STAG1: variants seen among roughly 807,000 people sequenced by gnomAD.
The protein encoded by STAG1 is STAG1 cohesin complex component.
STAG1 carries 26 observed loss-of-function variants against 170.9 expected under a neutral mutation model. That is an observed-to-expected ratio of 0.15 (90% CI 0.11 to 0.21). The LOEUF (loss-of-function observed/expected upper bound fraction) is 0.21, where lower values mean the gene tolerates loss of function less well. Among genes scored for constraint, STAG1 ranks in the 10% least tolerant of loss-of-function variants. STAG1 has a pLI of 1.00. For synonymous variants in STAG1, 514 were observed against 497.7 expected, an observed-to-expected ratio of 1.03 and a Z score of -0.44; for missense variants, 964 against 1,509.5, an observed-to-expected ratio of 0.64 and a Z score of 5.99.
intron 23 of STAG1, among the ~76,000 whole-genome samples, chr3:136,372,030 A>C (rs1187897840): frequency 3.3e-5 from 5 of 152,114 alleles, no homozygotes; most frequent in South Asian, 4.2e-4. Context: ...CTTTTATTTC[A>C]TTGAGCAGTG....
At chr3:136,383,518 T>C (rs1296375836) in intron 22 of STAG1, among the ~76,000 whole-genome samples, 1 of 152,202 alleles carries the variant, frequency 6.6e-6, no homozygotes, top group Non-Finnish European at 1.5e-5. Flanking sequence ...TCATTTTATC[T>C]GGGCCAGAAT....
At chr3:136,484,994 T>C (rs2089977586) in intron 9 of STAG1, among the ~76,000 whole-genome samples, 1 of 152,190 alleles carries the variant, frequency 6.6e-6, no homozygotes, top group African/African-American at 2.4e-5. Flanking sequence ...CCTAGTGAGA[T>C]GAACCCGGTA....
intron 1 of STAG1, among the ~76,000 whole-genome samples, chr3:136,678,485 T>C (rs972938510): frequency 1.5e-4 from 22 of 149,822 alleles, no homozygotes; most frequent in African/African-American, 4.9e-4. Context: ...GATTCCCTTA[T>C]GTTATCCAAC....
At chr3:136,560,698 A>T (rs558217105) in intron 5 of STAG1, among the ~76,000 whole-genome samples, 1 of 152,354 alleles carries the variant, frequency 6.6e-6, no homozygotes, top group East Asian at 1.9e-4. Context: ...CAGACGTTTC[A>T]GCAGAGTTAG....
chr3:136,427,206 G>A (rs1431601315), intron 16 of STAG1, among the ~76,000 whole-genome samples: 1 of 151,118 alleles, frequency 6.6e-6, no homozygotes, highest in Non-Finnish European at 1.5e-5. Context: ...TCCTGCCTGG[G>A]CAACAGAGCG....
At chr3:136,498,218 A>G (rs1425040907) in intron 9 of STAG1, among the ~76,000 whole-genome samples, 11 of 43,106 alleles carry the variant, frequency 2.6e-4, no homozygotes, top group Non-Finnish European at 4.2e-4. Context: ...AATTATATAT[A>G]TATATATATA....
Position 136,556,120 on chromosome 3 carries a change from A to G in STAG1, c.394+12645T>C, listed in dbSNP as rs552703595. Among the ~76,000 whole-genome samples, 4 of 152,366 alleles carry G rather than the reference A, an allele frequency of 2.6e-5. No homozygotes were observed. The East Asian group carries it at 7.7e-4, about 29-fold the overall frequency. On this transcript the variant is annotated intron_variant, in intron 5 of 33. Coordinates refer to ENST00000383202, the MANE Select transcript of STAG1 (RefSeq NM_005862.3). Reference sequence around the variant, plus strand: ...TGTAAACCTAAAACTGCTCTAAAAAAATAAACTCTATTTTTAAAAAACCAT... The same window carrying G: ...TGTAAACCTAAAACTGCTCTAAAAAGATAAACTCTATTTTTAAAAAACCAT...
chr3:136,495,937 C>A (rs1396136436), intron 9 of STAG1, among the ~76,000 whole-genome samples: 1 of 142,448 alleles, frequency 7.0e-6, no homozygotes, highest in East Asian at 2.1e-4. Flanking sequence ...CACCACTGCA[C>A]TCCAGCCTGG....
chr3:136,521,725 TA>T (rs1934686683), intron 6 of STAG1, among the ~76,000 whole-genome samples: 1 of 152,074 alleles, frequency 6.6e-6, no homozygotes, highest in Non-Finnish European at 1.5e-5. Flanking sequence ...TCTGAAACAG[TA>T]AAAAAAATTT....
chr3:136,750,886 A>G (rs1405832044), intron 1 of STAG1, among the ~76,000 whole-genome samples: 1 of 152,256 alleles, frequency 6.6e-6, no homozygotes, highest in Admixed American at 6.5e-5. Context: ...TTACATTACC[A>G]TACAATAAAC....
rs554702291 is a variant in STAG1, at chr3:136,666,915, A to T, written c.-83-35934T>A. Among the ~76,000 whole-genome samples, 4 of 152,298 alleles carry T rather than the reference A, an allele frequency of 2.6e-5. No homozygotes were observed. The East Asian group carries it at 7.7e-4, about 29-fold the overall frequency. On this transcript the variant is annotated intron_variant, in intron 1 of 33. Coordinates refer to ENST00000383202, the MANE Select transcript of STAG1 (RefSeq NM_005862.3). The stretch of plus-strand genomic sequence containing the variant: ...GAAGAAGACAATATAAGCAACAAGG[A>T]ACAGAGACAGCTGAGCATCTAGAAA...
At chr3:136,554,007 G>T (rs1158153858) in intron 5 of STAG1, among the ~76,000 whole-genome samples, 3 of 151,756 alleles carry the variant, frequency 2.0e-5, no homozygotes, top group Non-Finnish European at 4.4e-5. Flanking sequence ...GTTGTAACAA[G>T]CGGCATCTAA....
At chr3:136,369,965 C>T (rs940883986) in intron 23 of STAG1, among the ~76,000 whole-genome samples, 2 of 152,034 alleles carry the variant, frequency 1.3e-5, no homozygotes, top group East Asian at 1.9e-4. Context: ...TGCTGCCAGT[C>T]GTATAACAGT....
At chr3:136,372,255 C>G (rs1398990597) in intron 23 of STAG1, among the ~76,000 whole-genome samples, 4 of 152,176 alleles carry the variant, frequency 2.6e-5, no homozygotes, top group Non-Finnish European at 4.4e-5. Context: ...TGGGCTGAGA[C>G]GATGGGGTTT....
chr3:136,494,965 C>T (rs187187808), intron 9 of STAG1, among the ~76,000 whole-genome samples: 94 of 152,238 alleles, frequency 6.2e-4, no homozygotes, highest in African/African-American at 2.2e-3. Flanking sequence ...AATTGACAAG[C>T]TGACCCTAAG....
At chr3:136,359,537 A>C (rs1006151480) in intron 26 of STAG1, among the ~76,000 whole-genome samples, 3 of 152,172 alleles carry the variant, frequency 2.0e-5, no homozygotes, top group Admixed American at 1.3e-4. Context: ...TAATAAAAAA[A>C]CACATTCTTT....
At chr3:136,405,193 T>C (rs188475166) in intron 21 of STAG1, among the ~76,000 whole-genome samples, 1 of 149,272 alleles carries the variant, frequency 6.7e-6, no homozygotes, top group East Asian at 2.0e-4. Context: ...CCAAAGAGGA[T>C]ATAAGGCTGG....
At chr3:136,461,868 A>G (rs2089284315) in intron 13 of STAG1, among the ~76,000 whole-genome samples, 1 of 152,172 alleles carries the variant, frequency 6.6e-6, no homozygotes, top group Non-Finnish European at 1.5e-5. Context: ...AAAACAATCC[A>G]ATTTACAAAT....
chr3:136,508,204 C>T (rs1442198736), intron 7 of STAG1, among the ~76,000 whole-genome samples: 1 of 152,144 alleles, frequency 6.6e-6, no homozygotes, highest in Non-Finnish European at 1.5e-5. Flanking sequence ...CTTAATCAAA[C>T]ACTAATGCAG....
Sources: allele counts gnomAD v4.1 joint callset (sites outside exome capture counted in the v4.1 genomes callset), GRCh38; gene constraint gnomAD v4.1.1; transcripts MANE v1.5; gene names NCBI Gene and HGNC (gene_info 2026-07-23, HGNC 2026-07-21).